Variants in MDGA2 observed in about 807,000 individuals in gnomAD.
The protein encoded by MDGA2 is MAM domain containing glycosylphosphatidylinositol anchor 2, also known as MAM domain-containing glycosylphosphatidylinositol anchor protein 2.
In MDGA2, 40 loss-of-function variants were observed where a neutral mutation model predicts 117.8. The ratio of observed to expected loss-of-function variants is 0.34; its 90% CI spans 0.26 to 0.44. The LOEUF (loss-of-function observed/expected upper bound fraction) is 0.44, where lower values mean the gene tolerates loss of function less well. Ranked by LOEUF, MDGA2 falls within the 20% of genes least tolerant of loss-of-function variation. The pLI is 1.00. For missense variants in MDGA2, 1,123 were observed against 1,250.6 expected (o/e 0.90, Z 1.54); for synonymous variants, 452 against 439.0 (o/e 1.03, Z -0.37).
rs181617174 is a variant in MDGA2, at chr14:47,155,855, T to C, written c.596-11581A>G. Among the ~76,000 whole-genome samples the C allele has an allele frequency of 9.0e-3, 1,351 of 150,590 alleles. 19 individuals carry two copies. Among genetic ancestry groups the C allele is most frequent in the Middle Eastern group, 0.031 (9 of 288 alleles). On this transcript the variant is annotated intron_variant, in intron 3 of 16. Transcript: ENST00000399232. ...TCTTGCGACATTTTTTATATGAATTTTTTTACAATTCTTTTCTTTTCTTCT... is the reference window on the plus strand; with the variant it reads ...TCTTGCGACATTTTTTATATGAATTCTTTTACAATTCTTTTCTTTTCTTCT...
chr14:47,186,075 C>T (rs1279810287), intron 3 of MDGA2, among the ~76,000 whole-genome samples: 3 of 151,364 alleles, frequency 2.0e-5, no homozygotes, highest in Non-Finnish European at 4.4e-5. Context: ...ATTCATAAAA[C>T]AAGATTCCAT....
intron 3 of MDGA2, among the ~76,000 whole-genome samples, chr14:47,168,552 G>GA (rs1350209138): frequency 6.6e-6 from 1 of 151,888 alleles, no homozygotes; most frequent in Non-Finnish European, 1.5e-5. Context: ...GATAATTGAT[G>GA]AAAAGTTATT....
intron 1 of MDGA2, among the ~76,000 whole-genome samples, chr14:47,650,098 A>G (rs1897611362): frequency 6.6e-6 from 1 of 152,148 alleles, no homozygotes; most frequent in African/African-American, 2.4e-5. Flanking sequence ...AGGCCTGAAA[A>G]GAACAAAAGG....
chr14:46,859,908 T>A (rs987460486), intron 14 of MDGA2, among the ~76,000 whole-genome samples: 3 of 152,110 alleles, frequency 2.0e-5, no homozygotes, highest in East Asian at 1.9e-4. Flanking sequence ...AAAGACAATA[T>A]AACATTATCA....
At chr14:47,120,208 C>A (rs1359040475) in intron 5 of MDGA2, among the ~76,000 whole-genome samples, 2 of 152,128 alleles carry the variant, frequency 1.3e-5, no homozygotes, top group African/African-American at 4.8e-5. Flanking sequence ...ATTGTCACAC[C>A]TATTTGTGCC....
chr14:47,185,847 A>G (rs950532646), intron 3 of MDGA2, among the ~76,000 whole-genome samples: 43 of 151,794 alleles, frequency 2.8e-4, no homozygotes, highest in African/African-American at 1.0e-3. Context: ...GAAATTGAGT[A>G]CTATATTTAG....
chr14:47,372,521 C>T (rs900134879), intron 1 of MDGA2, among the ~76,000 whole-genome samples: 2 of 151,838 alleles, frequency 1.3e-5, no homozygotes, highest in South Asian at 2.1e-4. Flanking sequence ...AAATCAACAA[C>T]GAAATACACA....
chr14:47,401,326 T>C (rs2416062), intron 1 of MDGA2, among the ~76,000 whole-genome samples: 35,660 of 151,926 alleles, frequency 0.23, 4,300 homozygotes, highest in South Asian at 0.37. Context: ...GGAAAATGTA[T>C]AATTAAAAAA....
chr14:47,209,546 T>C (rs1318294237), intron 3 of MDGA2, among the ~76,000 whole-genome samples: 1 of 152,186 alleles, frequency 6.6e-6, no homozygotes, highest in Non-Finnish European at 1.5e-5. Context: ...CAGTACTGAA[T>C]GGATAATAAT....
At chr14:46,918,984 A>G (rs112980776) in intron 10 of MDGA2, among the ~76,000 whole-genome samples, 30 of 151,866 alleles carry the variant, frequency 2.0e-4, no homozygotes, top group East Asian at 1.9e-3. Flanking sequence ...GGATGGTCTC[A>G]ATCTCCTGAC....
intron 1 of MDGA2, among the ~76,000 whole-genome samples, chr14:47,530,297 G>A (rs1168490683): frequency 6.6e-6 from 1 of 152,134 alleles, no homozygotes; most frequent in Non-Finnish European, 1.5e-5. Context: ...AGAATTTCTG[G>A]TCTAACCAGT....
chr14:47,115,500 T>C (rs1881278256), intron 5 of MDGA2, among the ~76,000 whole-genome samples: 1 of 152,008 alleles, frequency 6.6e-6, no homozygotes, highest in Non-Finnish European at 1.5e-5. Context: ...GGCACAGATA[T>C]ATCAAGTTTT....
chr14:46,991,525 A>G (rs992317403), intron 8 of MDGA2, among the ~76,000 whole-genome samples: 1 of 152,088 alleles, frequency 6.6e-6, no homozygotes, highest in Non-Finnish European at 1.5e-5. Context: ...TGGCTTGGAC[A>G]TTTAAATTAT....
At chr14:46,942,515 G>T (rs1442897550) in intron 9 of MDGA2, among the ~76,000 whole-genome samples, 2 of 152,002 alleles carry the variant, frequency 1.3e-5, no homozygotes, top group Admixed American at 6.6e-5. Flanking sequence ...TCAAGATATA[G>T]ATTCCCATCT....
At chr14:47,400,981 T>C (rs1265844460) in intron 1 of MDGA2, among the ~76,000 whole-genome samples, 1 of 151,248 alleles carries the variant, frequency 6.6e-6, no homozygotes, top group Non-Finnish European at 1.5e-5. Context: ...ATGGTCTTGA[T>C]CTCCTGACCT....
chr14:47,529,022 A>G, intron 1 of MDGA2, among the ~76,000 whole-genome samples: 1 of 148,366 alleles, frequency 6.7e-6, no homozygotes, highest in South Asian at 2.1e-4. Context: ...TTTTTTTGAG[A>G]TGGAGTCTCC....
At chr14:46,903,937 G>A (rs1883389345) in intron 10 of MDGA2, among the ~76,000 whole-genome samples, 1 of 152,040 alleles carries the variant, frequency 6.6e-6, no homozygotes. Context: ...GTCAAATCCA[G>A]TTCACATTAT....
At chr14:46,924,871 G>A (rs890938706) in intron 9 of MDGA2, among the ~76,000 whole-genome samples, 5 of 152,042 alleles carry the variant, frequency 3.3e-5, no homozygotes, top group Non-Finnish European at 7.4e-5. Flanking sequence ...CTGAAAACAA[G>A]CCATTTAATA....
At chr14:47,536,490 T>G (rs1314010653) in intron 1 of MDGA2, among the ~76,000 whole-genome samples, 1 of 152,226 alleles carries the variant, frequency 6.6e-6, no homozygotes, top group African/African-American at 2.4e-5. Context: ...TCCAAGCATT[T>G]TGTCACTTAA....
Sources: gnomAD v4.1 joint callset for allele counts (sites outside exome capture counted in the v4.1 genomes callset) on GRCh38, gnomAD v4.1.1 for gene constraint, MANE v1.5 for transcripts, NCBI Gene and HGNC (gene_info 2026-07-23, HGNC 2026-07-21) for gene names.